L3MBTL3: variants seen among roughly 807,000 people sequenced by gnomAD.
L3MBTL3 encodes the protein L3MBTL histone methyl-lysine binding protein 3, also known as lethal(3)malignant brain tumor-like protein 3.
Under a neutral mutation model 102.3 loss-of-function variants are expected in L3MBTL3, and 27 were observed. That is an observed-to-expected ratio of 0.26 (90% CI 0.19 to 0.36). The LOEUF is 0.36. Ranked by LOEUF, L3MBTL3 falls within the 10% of genes least tolerant of loss-of-function variation. The pLI is 1.00. For missense variants in L3MBTL3, 798 were observed against 955.3 expected, an observed-to-expected ratio of 0.84 and a Z score of 2.17; for synonymous variants, 340 against 320.9, an observed-to-expected ratio of 1.06 and a Z score of -0.64.
chr6:130,135,109 G>T (rs1443750241), intron 22 of L3MBTL3, among the ~76,000 whole-genome samples: 1 of 126,202 alleles, frequency 7.9e-6, no homozygotes, highest in African/African-American at 3.1e-5. Context: ...ATGGAGTCTT[G>T]CTCTTCTCTC....
chr6:130,039,439 G>C (rs1780276598), intron 2 of L3MBTL3, among the ~76,000 whole-genome samples: 1 of 151,950 alleles, frequency 6.6e-6, no homozygotes. Context: ...ACAATATTGT[G>C]ATTGGTTGAT....
chr6:130,138,338 G>A (rs971832755), intron 22 of L3MBTL3: 1 of 152,250 alleles, frequency 6.6e-6, no homozygotes, highest in African/African-American at 2.4e-5. Flanking sequence ...CTAGAAGTCA[G>A]GGGGTTGGCA....
At chr6:130,105,225 A>G (rs1365416387) in intron 19 of L3MBTL3, among the ~76,000 whole-genome samples, 1 of 152,224 alleles carries the variant, frequency 6.6e-6, no homozygotes, top group Admixed American at 6.5e-5. Flanking sequence ...TTTCTCTTTT[A>G]TGAATTACTT....
intron 13 of L3MBTL3, among the ~76,000 whole-genome samples, chr6:130,075,357 A>C (rs1334076456): frequency 6.6e-6 from 1 of 152,084 alleles, no homozygotes; most frequent in African/African-American, 2.4e-5. Flanking sequence ...AGGAATGGGT[A>C]CTTAGAGGTT....
chr6:130,138,428 TGGTGGTCTCTCTTTG>T (rs1787941928), intron 22 of L3MBTL3: 1 of 152,282 alleles, frequency 6.6e-6, no homozygotes, highest in Non-Finnish European at 1.5e-5. Context: ...GACTTGTAGA[TGGTGGTCTCTCTTTG>T]GGTCTTTACG....
chr6:130,062,289 A>G (rs1360708772), intron 10 of L3MBTL3, among the ~76,000 whole-genome samples: 1 of 152,042 alleles, frequency 6.6e-6, no homozygotes, highest in Non-Finnish European at 1.5e-5. Context: ...GACCCTTAAC[A>G]GTTGACTGTG....
chr6:130,057,518 G>A lies in L3MBTL3; in HGVS notation c.759+21G>A, dbSNP rs112818855. ...AGGAGGTACGGGCCCTTCTAGAGAC[G>A]TGATCTGTAAGGGCGCAGGAGCTGG... On this transcript the variant is annotated intron_variant, in intron 9 of 22. Transcript: ENST00000361794. 2.1e-4 allele frequency: 331 copies of A among 1,579,236 alleles called. 4 individuals are homozygous for A. In the African/African-American group the frequency reaches 2.8e-3, roughly 14 times the overall value.
In L3MBTL3 at chr6:130,033,952, T is replaced by C. The variant is rs187059038; in HGVS notation, c.-15-8733T>C. Reference sequence around the variant, plus strand: ...TCTCAGTAATCCAAATTTCTTCCCTTATTTGCAGGTGCAGACTTTTGGGTT... The same window carrying C: ...TCTCAGTAATCCAAATTTCTTCCCTCATTTGCAGGTGCAGACTTTTGGGTT... On this transcript the variant is annotated intron_variant, in intron 2 of 22. Transcript: ENST00000361794. Among the ~76,000 whole-genome samples the C allele has an allele frequency of 2.5e-4, 38 of 152,352 alleles. 1 individual carries two copies. In the East Asian group the frequency reaches 5.2e-3, roughly 21 times the overall value.
intron 19 of L3MBTL3, among the ~76,000 whole-genome samples, chr6:130,113,262 C>G (rs1562323162): frequency 1.3e-5 from 2 of 152,128 alleles, no homozygotes; most frequent in South Asian, 4.1e-4. Flanking sequence ...GCACAGGAAT[C>G]TTCATTTTTT....
At chr6:130,122,314 T>G (rs1442917262) in intron 20 of L3MBTL3, among the ~76,000 whole-genome samples, 1 of 152,226 alleles carries the variant, frequency 6.6e-6, no homozygotes, top group Admixed American at 6.5e-5. Flanking sequence ...CCATTTATGA[T>G]TAATTTAAAA....
chr6:130,038,544 C>T (rs1780207020), intron 2 of L3MBTL3, among the ~76,000 whole-genome samples: 1 of 151,878 alleles, frequency 6.6e-6, no homozygotes, highest in Admixed American at 6.6e-5. Flanking sequence ...TTTTAATGTA[C>T]CTGTTGGCCA....
chr6:130,114,325 A>G (rs1000115279), intron 19 of L3MBTL3, among the ~76,000 whole-genome samples: 1 of 152,296 alleles, frequency 6.6e-6, no homozygotes, highest in Admixed American at 6.5e-5. Context: ...TTGTAACAGG[A>G]TCTTACTCTA....
intron 2 of L3MBTL3, among the ~76,000 whole-genome samples, chr6:130,032,815 A>AC (rs1392915760): frequency 6.6e-6 from 1 of 152,012 alleles, no homozygotes; most frequent in Admixed American, 6.6e-5. Context: ...ACATAGTGAG[A>AC]CCCCCATCTC....
chr6:130,030,943 T>C (rs35272645), intron 2 of L3MBTL3, among the ~76,000 whole-genome samples: 5,996 of 152,312 alleles, frequency 0.039, 174 homozygotes, highest in Non-Finnish European at 0.063. Flanking sequence ...GAAGAAATTA[T>C]TGTGCCCCAC....
At chr6:130,043,602 C>T (rs1002811468) in intron 3 of L3MBTL3, among the ~76,000 whole-genome samples, 4 of 152,312 alleles carry the variant, frequency 2.6e-5, no homozygotes, top group South Asian at 2.1e-4. Context: ...TGCACTTGAT[C>T]GTTCAGGTAT....
intron 6 of L3MBTL3, 93 bp from the exon 7 acceptor site, chr6:130,052,766 T>C: frequency 7.7e-7 from 1 of 1,303,244 alleles, no homozygotes; most frequent in Middle Eastern, 2.0e-4. Flanking sequence ...TGCAGGGTGA[T>C]TTTTTTTTAA....
intron 5 of L3MBTL3, among the ~76,000 whole-genome samples, chr6:130,051,027 T>G (rs949665032): frequency 1.3e-5 from 2 of 152,236 alleles, no homozygotes; most frequent in Non-Finnish European, 2.9e-5. Context: ...TTGGGCAAGC[T>G]TTTATCCTTT....
intron 2 of L3MBTL3, among the ~76,000 whole-genome samples, chr6:130,026,948 G>A (rs1415942913): frequency 1.3e-5 from 2 of 152,146 alleles, no homozygotes; most frequent in East Asian, 3.9e-4. Context: ...AAAATGGAGG[G>A]GTGGTGTGGT....
At chr6:130,035,265 A>G (rs940028497) in intron 2 of L3MBTL3, among the ~76,000 whole-genome samples, 4 of 152,210 alleles carry the variant, frequency 2.6e-5, no homozygotes, top group Admixed American at 1.3e-4. Flanking sequence ...TGAATATAAG[A>G]TATTAACTAG....
Sources: gnomAD v4.1 joint callset for allele counts (sites outside exome capture counted in the v4.1 genomes callset) on GRCh38, gnomAD v4.1.1 for gene constraint, MANE v1.5 for transcripts, NCBI Gene and HGNC (gene_info 2026-07-23, HGNC 2026-07-21) for gene names.